ATP8A1: variants seen among roughly 807,000 people sequenced by gnomAD.
ATP8A1 encodes ATPase phospholipid transporting 8A1.
Under a neutral mutation model 177.7 loss-of-function variants are expected in ATP8A1, and 90 were observed. That is an observed-to-expected ratio of 0.51 (90% CI 0.43 to 0.60). ATP8A1 has a LOEUF of 0.60. Among genes scored for constraint, ATP8A1 ranks in the 20% least tolerant of loss-of-function variants. The probability of loss-of-function intolerance (pLI) is 0.00; values close to 1 mark genes in which losing one functional copy is unlikely to be tolerated. For missense variants in ATP8A1, 1,072 were observed against 1,392.8 expected (o/e 0.77, Z 3.67); for synonymous variants, 493 against 485.9 (o/e 1.01, Z -0.19).
At chr4:42,602,308 T>C (rs1411402783) in intron 5 of ATP8A1, among the ~76,000 whole-genome samples, 1 of 152,166 alleles carries the variant, frequency 6.6e-6, no homozygotes, top group Non-Finnish European at 1.5e-5. Context: ...TCACCCAAAC[T>C]GATCCCAGGA....
chr4:42,476,001 T>C (rs1430534775), intron 25 of ATP8A1, among the ~76,000 whole-genome samples: 5 of 151,790 alleles, frequency 3.3e-5, no homozygotes, highest in African/African-American at 1.2e-4. Context: ...GATCACACCA[T>C]TGCACCCCAG....
At chr4:42,605,157 A>G (rs1735667943) in intron 5 of ATP8A1, among the ~76,000 whole-genome samples, 1 of 152,236 alleles carries the variant, frequency 6.6e-6, no homozygotes, top group Non-Finnish European at 1.5e-5. Context: ...CAACATGGTG[A>G]GTTATATGGT....
At chr4:42,477,249 C>T (rs2153187124) in intron 25 of ATP8A1, among the ~76,000 whole-genome samples, 1 of 152,312 alleles carries the variant, frequency 6.6e-6, no homozygotes, top group East Asian at 1.9e-4. Flanking sequence ...AGATGTTCAA[C>T]CTCTCTAGTA....
chr4:42,477,806 T>TAA (rs752928528), intron 25 of ATP8A1, among the ~76,000 whole-genome samples: 1,416 of 102,998 alleles, frequency 0.014, 36 homozygotes, highest in African/African-American at 0.047. Context: ...ACCCTGTCTC[T>TAA]AAAAAAAAAA....
At position 42,507,036 on chromosome 4, in the gene ATP8A1, T is replaced by C. The variant is rs761195916; in HGVS notation, c.2066A>G (p.Gln689Arg). The C allele has an allele frequency of 8.7e-6, 14 of 1,613,864 alleles. No homozygotes were observed. The South Asian group carries it at 1.5e-4, about 18-fold the overall frequency. ...IKIWILTGDK[Q>R]ETAINIGHSC... ...ATTACCGATGTTAATGGCAGTTTCT[T>C]GCTTGTCCCCTGTAAGGATCCAGAT... Residue 689 changes from glutamine (Q) to arginine (R), a missense_variant, in exon 23 of 37, where the codon CAA (glutamine) becomes CGA (arginine). By Grantham distance (43) the Gln-to-Arg change is conservative. Coordinates refer to ENST00000381668, the MANE Select transcript of ATP8A1 (RefSeq NM_006095.2).
intron 20 of ATP8A1, among the ~76,000 whole-genome samples, chr4:42,537,602 A>G (rs920961257): frequency 6.6e-6 from 1 of 152,234 alleles, no homozygotes; most frequent in African/African-American, 2.4e-5. Flanking sequence ...ACAAACCAGT[A>G]GCTCTGCTAT....
intron 1 of ATP8A1, among the ~76,000 whole-genome samples, chr4:42,646,184 T>C (rs1396454594): frequency 6.6e-6 from 1 of 152,146 alleles, no homozygotes; most frequent in Non-Finnish European, 1.5e-5. Flanking sequence ...TGGCGTGGCA[T>C]CAAAACGGCT....
At chr4:42,618,166 T>C (rs1280054912) in intron 4 of ATP8A1, among the ~76,000 whole-genome samples, 1 of 152,196 alleles carries the variant, frequency 6.6e-6, no homozygotes, top group African/African-American at 2.4e-5. Flanking sequence ...TCCCTCCTTC[T>C]GGAAACTCTT....
At chr4:42,586,603 C>T (rs1733640278) in intron 8 of ATP8A1, 127 bp from the exon 9 acceptor site, 12 of 913,104 alleles carry the variant, frequency 1.3e-5, no homozygotes, top group Non-Finnish European at 1.8e-5. Context: ...AGCAATTCTC[C>T]TCTACTCTGT....
intron 15 of ATP8A1, 80 bp downstream of exon 15, chr4:42,569,081 G>T: frequency 1.3e-6 from 1 of 750,562 alleles, no homozygotes; most frequent in Non-Finnish European, 1.9e-6. Flanking sequence ...ATATAAAAGA[G>T]AGTGAAATGT....
chr4:42,510,855 G>A (rs888235090), intron 22 of ATP8A1, among the ~76,000 whole-genome samples: 6 of 152,144 alleles, frequency 3.9e-5, no homozygotes, highest in Non-Finnish European at 7.4e-5. Context: ...ACAGGTAAAA[G>A]AGAAACATTT....
chr4:42,535,937 A>C (rs1289554647), intron 20 of ATP8A1, among the ~76,000 whole-genome samples: 1 of 152,232 alleles, frequency 6.6e-6, no homozygotes, highest in Non-Finnish European at 1.5e-5. Flanking sequence ...ACAAACTATC[A>C]AAACCTCTGG....
intron 31 of ATP8A1, among the ~76,000 whole-genome samples, chr4:42,445,002 A>G (rs761034303): frequency 3.3e-5 from 5 of 152,236 alleles, no homozygotes; most frequent in Non-Finnish European, 5.9e-5. Flanking sequence ...CCTTTATTTT[A>G]AATCTCCTTT....
At chr4:42,517,305 A>C (rs1560413232) in intron 22 of ATP8A1, among the ~76,000 whole-genome samples, 1 of 152,126 alleles carries the variant, frequency 6.6e-6, no homozygotes. Flanking sequence ...AAAAAAAAAA[A>C]AAAACAAATT....
In ATP8A1 at chr4:42,467,935, T is replaced by C. The variant is rs181548810; in HGVS notation, c.2325-2859A>G. Among the ~76,000 whole-genome samples the C allele has an allele frequency of 9.7e-4, 148 of 152,322 alleles. 4 individuals carry two copies. Among genetic ancestry groups the C allele is most frequent in the Non-Finnish European group, 7.4e-5 (5 of 68,026 alleles). On this transcript the variant is annotated intron_variant, in intron 25 of 36. Transcript: ENST00000381668. ...TTGGATATACAGATTGTGAAGATTT[T>C]CTTCCACTCTGTGGGTTGTCTGTTT...
chr4:42,523,248 C>T (rs1339505058), intron 21 of ATP8A1, among the ~76,000 whole-genome samples: 2 of 152,120 alleles, frequency 1.3e-5, no homozygotes, highest in Non-Finnish European at 2.9e-5. Context: ...AGAGTAGATG[C>T]ATTGGAAGAA....
intron 5 of ATP8A1, among the ~76,000 whole-genome samples, chr4:42,611,033 G>A (rs151306951): frequency 9.4e-4 from 143 of 152,296 alleles, no homozygotes; most frequent in African/African-American, 2.5e-3. Context: ...GATGAACTCC[G>A]CCTTGTTGTT....
rs534050395 is a variant in ATP8A1, at chr4:42,502,850, C to T, written c.2151+600G>A. On this transcript the variant is annotated intron_variant, in intron 24 of 36. Transcript: ENST00000381668. ...CTAAAATAACAAATAGTCTCCTTTA[C>T]TTTAATATTAACAGGTCACTTGACC... is the stretch of plus-strand genomic sequence containing the variant. Among the ~76,000 whole-genome samples, 10 of 152,322 alleles carry T rather than the reference C, an allele frequency of 6.6e-5. No individual in the cohort carries two copies. The South Asian group carries it at 1.9e-3, about 28-fold the overall frequency.
intron 35 of ATP8A1, among the ~76,000 whole-genome samples, chr4:42,419,737 C>A (rs1307476541): frequency 1.3e-5 from 2 of 152,232 alleles, no homozygotes; most frequent in Admixed American, 1.3e-4. Context: ...GGTGCAGTGG[C>A]CCACGCCTGT....
Sources: gnomAD v4.1 joint callset for allele counts (sites outside exome capture counted in the v4.1 genomes callset) on GRCh38, gnomAD v4.1.1 for gene constraint, MANE v1.5 for transcripts, NCBI Gene and HGNC (gene_info 2026-07-23, HGNC 2026-07-21) for gene names.